Variants in DPYD observed in about 807,000 individuals in gnomAD.
DPYD encodes the protein dihydropyrimidine dehydrogenase.
In DPYD, 109 loss-of-function variants were observed where a neutral mutation model predicts 116.2. That is an observed-to-expected ratio of 0.94 (90% CI 0.80 to 1.10). The LOEUF (loss-of-function observed/expected upper bound fraction) is 1.10, where lower values mean the gene tolerates loss of function less well. Among genes scored for constraint, DPYD ranks in the 50% least tolerant of loss-of-function variants. The pLI, the probability that DPYD is intolerant of heterozygous loss-of-function variation, is 0.00. For missense variants in DPYD, 1,302 were observed against 1,254.5 expected, an observed-to-expected ratio of 1.04 and a Z score of -0.57; for synonymous variants, 440 against 432.0, an observed-to-expected ratio of 1.02 and a Z score of -0.23.
At chr1:97,268,930 T>C (rs1023602972) in intron 18 of DPYD, among the ~76,000 whole-genome samples, 3 of 152,208 alleles carry the variant, frequency 2.0e-5, no homozygotes, top group Non-Finnish European at 2.9e-5. Flanking sequence ...TTTATGTGGC[T>C]AAGTTGAGAG....
At chr1:97,762,253 T>C (rs1394334970) in intron 3 of DPYD, among the ~76,000 whole-genome samples, 1 of 152,122 alleles carries the variant, frequency 6.6e-6, no homozygotes, top group East Asian at 1.9e-4. Context: ...ATTTAGTGAA[T>C]TGGAATATGT....
At chr1:97,534,801 A>G (rs1175445472) in intron 12 of DPYD, among the ~76,000 whole-genome samples, 1 of 152,038 alleles carries the variant, frequency 6.6e-6, no homozygotes. Context: ...TCCATAGGTA[A>G]TTTTGCACAC....
At chr1:97,178,680 C>T (rs1016440758) in intron 20 of DPYD, among the ~76,000 whole-genome samples, 1 of 152,114 alleles carries the variant, frequency 6.6e-6, no homozygotes, top group Non-Finnish European at 1.5e-5. Context: ...TTTTCCATTT[C>T]ATAATTTTTC....
At chr1:97,098,874 C>G (rs943960985) in intron 20 of DPYD, among the ~76,000 whole-genome samples, 1 of 151,958 alleles carries the variant, frequency 6.6e-6, no homozygotes, top group Admixed American at 6.6e-5. Context: ...ATTACATATA[C>G]AAATGTTAAT....
At chr1:97,196,083 T>C (rs927636715) in intron 19 of DPYD, among the ~76,000 whole-genome samples, 4 of 151,744 alleles carry the variant, frequency 2.6e-5, no homozygotes, top group Non-Finnish European at 2.9e-5. Context: ...TTATAGGTTA[T>C]AGGGTTTTGC....
intron 1 of DPYD, among the ~76,000 whole-genome samples, chr1:97,896,901 A>T (rs184472070): frequency 6.6e-6 from 1 of 152,012 alleles, no homozygotes; most frequent in East Asian, 1.9e-4. Context: ...TAAACCCCAT[A>T]CTTTACTGTT....
intron 16 of DPYD, among the ~76,000 whole-genome samples, chr1:97,317,177 G>A (rs1667906351): frequency 1.3e-5 from 2 of 151,910 alleles, no homozygotes; most frequent in East Asian, 1.9e-4. Flanking sequence ...AAATTAAAAT[G>A]CTAGTTTTAT....
intron 7 of DPYD, among the ~76,000 whole-genome samples, chr1:97,682,153 C>A (rs1247707350): frequency 2.0e-5 from 3 of 152,076 alleles, no homozygotes; most frequent in Middle Eastern, 3.4e-3. Flanking sequence ...TTTATACAGT[C>A]TGATTCTACT....
At chr1:97,466,680 A>G (rs1677341614) in intron 13 of DPYD, among the ~76,000 whole-genome samples, 1 of 152,152 alleles carries the variant, frequency 6.6e-6, no homozygotes, top group African/African-American at 2.4e-5. Context: ...GCTAAATGGG[A>G]AGTTATGTGA....
At chr1:97,761,621 C>A (rs1665579826) in intron 3 of DPYD, among the ~76,000 whole-genome samples, 1 of 152,050 alleles carries the variant, frequency 6.6e-6, no homozygotes, top group Non-Finnish European at 1.5e-5. Flanking sequence ...TGTGGCAATT[C>A]CGTAACTGAA....
intron 16 of DPYD, among the ~76,000 whole-genome samples, chr1:97,318,774 A>ATC: frequency 6.7e-6 from 1 of 149,514 alleles, no homozygotes; most frequent in Non-Finnish European, 1.5e-5. Flanking sequence ...TCAACAGAAT[A>ATC]TACATTTTTT....
At chr1:97,448,929 G>A (rs1363099269) in intron 14 of DPYD, among the ~76,000 whole-genome samples, 2 of 151,784 alleles carry the variant, frequency 1.3e-5, no homozygotes, top group African/African-American at 4.8e-5. Flanking sequence ...TATTTCAAAT[G>A]CATGTATTTT....
At chr1:97,574,758 GA>G (rs1462145223) in intron 10 of DPYD, among the ~76,000 whole-genome samples, 2 of 152,106 alleles carry the variant, frequency 1.3e-5, no homozygotes, top group Non-Finnish European at 2.9e-5. Context: ...AATGCAATCA[GA>G]AGTACTATGT....
At chr1:97,737,443 G>A (rs1664023580) in intron 4 of DPYD, among the ~76,000 whole-genome samples, 1 of 151,958 alleles carries the variant, frequency 6.6e-6, no homozygotes, top group African/African-American at 2.4e-5. Context: ...TAATATAATA[G>A]TGGGAGAAAC....
At chr1:97,259,291 T>C (rs1268910970) in intron 18 of DPYD, among the ~76,000 whole-genome samples, 1 of 152,114 alleles carries the variant, frequency 6.6e-6, no homozygotes, top group Non-Finnish European at 1.5e-5. Flanking sequence ...GAAAACTGTG[T>C]ATGAACTTTA....
At chr1:97,160,873 G>A (rs1414389033) in intron 20 of DPYD, among the ~76,000 whole-genome samples, 1 of 152,068 alleles carries the variant, frequency 6.6e-6, no homozygotes, top group Non-Finnish European at 1.5e-5. Context: ...ATTCAGGCCT[G>A]GTCACTATTT....
At chr1:97,435,500 A>G (rs1675421869) in intron 14 of DPYD, among the ~76,000 whole-genome samples, 1 of 151,974 alleles carries the variant, frequency 6.6e-6, no homozygotes, top group African/African-American at 2.4e-5. Flanking sequence ...TTAAGCTAGT[A>G]GTCCTGTGTC....
At chr1:97,734,960 T>C (rs1663841446) in intron 4 of DPYD, among the ~76,000 whole-genome samples, 1 of 152,150 alleles carries the variant, frequency 6.6e-6, no homozygotes, top group Admixed American at 6.5e-5. Flanking sequence ...GCACAGAAAC[T>C]TTTCAGTCTT....
intron 3 of DPYD, among the ~76,000 whole-genome samples, chr1:97,823,774 C>T (rs1669087554): frequency 6.6e-6 from 1 of 151,608 alleles, no homozygotes; most frequent in Non-Finnish European, 1.5e-5. Context: ...TTCTATATTC[C>T]ACTGGACTTT....
Sources: gnomAD v4.1 joint callset for allele counts (sites outside exome capture counted in the v4.1 genomes callset) on GRCh38, gnomAD v4.1.1 for gene constraint, MANE v1.5 for transcripts, NCBI Gene and HGNC (gene_info 2026-07-23, HGNC 2026-07-21) for gene names.